Variants in ZNF614 observed in about 807,000 individuals in gnomAD.
The protein encoded by ZNF614 is zinc finger protein 614.
ZNF614 carries 11 observed loss-of-function variants against 12.8 expected under a neutral mutation model. The ratio of observed to expected loss-of-function variants is 0.86; its 90% CI spans 0.54 to 1.43. The LOEUF is 1.43. ZNF614 is among the 40% of genes most tolerant of loss of function. The pLI, the probability that ZNF614 is intolerant of heterozygous loss-of-function variation, is 0.00. For missense variants in ZNF614, 664 were observed against 708.8 expected, an observed-to-expected ratio of 0.94 and a Z score of 0.72; for synonymous variants, 237 against 237.5, an observed-to-expected ratio of 1.00 and a Z score of 0.02.
At chr19:52,021,272 C>T (rs2086931378) in intron 2 of ZNF614, among the ~76,000 whole-genome samples, 1 of 152,110 alleles carries the variant, frequency 6.6e-6, no homozygotes, top group African/African-American at 2.4e-5. Flanking sequence ...GATTCCAACC[C>T]AGCTAACACC....
At chr19:52,025,387 CA>C (rs2086964504) in intron 2 of ZNF614, among the ~76,000 whole-genome samples, 4 of 152,094 alleles carry the variant, frequency 2.6e-5, no homozygotes, top group African/African-American at 7.2e-5. Flanking sequence ...GTGGTGCAAA[CA>C]TGGCTCACTG....
Position 52,013,611 on chromosome 19 carries a change from C to T in ZNF614, c.*2229G>A, listed in dbSNP as rs1723785084. 6.6e-6 allele frequency: 1 copy of T among 151,812 alleles called. No individual in the cohort carries two copies. The highest frequency in any genetic ancestry group is 1.5e-5 in the Non-Finnish European group (1 of 67,964). 9.4% of individuals were successfully genotyped at this position (151,812 alleles called of 1,614,324 possible). ...TTATTTATATAAAATTTATAAAAACCATTTACAAAAACAATTTTATTTTTA... is the reference window on the plus strand; with the variant it reads ...TTATTTATATAAAATTTATAAAAACTATTTACAAAAACAATTTTATTTTTA... On this transcript the variant is annotated 3_prime_UTR_variant, in exon 5 of 5. Transcript: ENST00000270649.
Position 52,016,361 on chromosome 19 carries a change from T to G in ZNF614, c.1237A>C (p.Thr413Pro). ...TGAGTTCGCTGATGTATAACGAGAG[T>G]GCGTTTGACAGTGAAGCCTTTTCCA... ...ECGKGFTVKRTLVIHQRTHTG... is the reference protein window; with the variant it reads ...ECGKGFTVKRPLVIHQRTHTG... The change falls in exon 5 of 5, where the codon ACT becomes CCT. Residue 413 changes from threonine to proline, a missense_variant. By Grantham distance (38) the Thr-to-Pro change is conservative. Coordinates refer to ENST00000270649, the MANE Select transcript of ZNF614 (RefSeq NM_025040.4). 3.7e-6 allele frequency: 6 copies of G among 1,612,844 alleles called. No homozygotes were observed. Among genetic ancestry groups the G allele is most frequent in the Non-Finnish European group, 4.2e-6 (5 of 1,179,268 alleles).
At chr19:52,018,580 A>T in intron 2 of ZNF614, 86 bp from the exon 3 acceptor site, 1 of 1,354,396 alleles carries the variant, frequency 7.4e-7, no homozygotes, top group Non-Finnish European at 1.0e-6. Flanking sequence ...AATTTTCACA[A>T]TACAGCCTGC....
intron 2 of ZNF614, among the ~76,000 whole-genome samples, chr19:52,021,612 G>C (rs1217515070): frequency 6.6e-6 from 1 of 152,000 alleles, no homozygotes; most frequent in Non-Finnish European, 1.5e-5. Context: ...GTGTGGTAGT[G>C]GATGCCTGTG....
intron 4 of ZNF614, chr19:52,017,687 CGA>C: frequency 3.1e-6 from 1 of 321,268 alleles, no homozygotes; most frequent in Non-Finnish European, 5.5e-6. Flanking sequence ...GGTGATAGAG[CGA>C]GACTCAGTCT....
At chr19:52,022,398 T>C (rs115090411) in intron 2 of ZNF614, among the ~76,000 whole-genome samples, 2,836 of 152,008 alleles carry the variant, frequency 0.019, 89 homozygotes, top group African/African-American at 0.061. Context: ...ACCGCCGCCA[T>C]CTGGGAAGTG....
At chr19:52,023,762 C>G (rs1327207919) in intron 2 of ZNF614, among the ~76,000 whole-genome samples, 1 of 152,158 alleles carries the variant, frequency 6.6e-6, no homozygotes, top group Non-Finnish European at 1.5e-5. Flanking sequence ...CATTTGGTCT[C>G]TGCCCTCCAA....
chr19:52,018,373 G>A lies in ZNF614; in HGVS notation c.137C>T (p.Ser46Leu). 6.2e-7 allele frequency: 1 copy of A among 1,614,072 alleles called. No individual in the cohort carries two copies. Among genetic ancestry groups the A allele is most frequent in the Non-Finnish European group, 8.5e-7 (1 of 1,180,014 alleles). Residue 46 changes from serine (S) to leucine (L), a missense_variant, in exon 3 of 5, where the codon TCA (serine) becomes TTA (leucine). Transcript: ENST00000270649. The part of the protein sequence containing the change: ...VMVENYNHLV[S>L]LGYQTSKPDV... Reference sequence around the variant, plus strand: ...CACAGGGAAACTATTCTTACCCAGTGATACTAGGTGGTTATAGTTCTCCAC... The same window carrying A: ...CACAGGGAAACTATTCTTACCCAGTAATACTAGGTGGTTATAGTTCTCCAC...
chr19:52,015,711 T>C lies in ZNF614; in HGVS notation c.*129A>G. 1.2e-6 allele frequency: 1 copy of C among 864,844 alleles called. No individual in the cohort carries two copies. The allele number at this position is 864,844 out of a possible 1,614,324, so 53.6% of individuals were successfully genotyped here. On this transcript the variant is annotated 3_prime_UTR_variant, in exon 5 of 5. Coordinates refer to ENST00000270649, the MANE Select transcript of ZNF614 (RefSeq NM_025040.4). ...TTCACCTCCTGAGGACAGACACACATCTGTCAACAGGCAGCACCATGTTTA... is the reference window on the plus strand; with the variant it reads ...TTCACCTCCTGAGGACAGACACACACCTGTCAACAGGCAGCACCATGTTTA...
intron 2 of ZNF614, among the ~76,000 whole-genome samples, chr19:52,020,798 A>G (rs1487989305): frequency 6.6e-6 from 1 of 152,188 alleles, no homozygotes; most frequent in Non-Finnish European, 1.5e-5. Flanking sequence ...ACTATCAAAT[A>G]TGAGTGGCCC....
chr19:52,026,185 A>G (rs1309549906), intron 1 of ZNF614, among the ~76,000 whole-genome samples: 1 of 152,260 alleles, frequency 6.6e-6, no homozygotes, highest in Non-Finnish European at 1.5e-5. Flanking sequence ...GAACCAGCAC[A>G]GCACAATGCC....
Position 52,015,435 on chromosome 19 carries a change from C to T in ZNF614, c.*405G>A, listed in dbSNP as rs751745425. On this transcript the variant is annotated 3_prime_UTR_variant, in exon 5 of 5. Transcript: ENST00000270649. ...TTTCTATCAACAATAAGCTCACTTA[C>T]GTTGAAATCTATGATGAAACCTGAT... 3 of 158,208 alleles carry T rather than the reference C, an allele frequency of 1.9e-5. No homozygotes were observed. The highest frequency in any genetic ancestry group is 4.2e-5 in the Non-Finnish European group (3 of 71,882). The allele number at this position is 158,208 out of a possible 1,614,324, so 9.8% of individuals were successfully genotyped here.
At chr19:52,025,639 G>T in intron 2 of ZNF614, 92 bp downstream of exon 2, 1 of 1,419,142 alleles carries the variant, frequency 7.0e-7, no homozygotes, top group South Asian at 1.2e-5. Flanking sequence ...TTTCTCCCTA[G>T]AACACAATTA....
Position 52,016,316 on chromosome 19 carries a change from T to C in ZNF614, c.1282A>G (p.Ile428Val), listed in dbSNP as rs373008490. The C allele has an allele frequency of 1.3e-4, 216 of 1,613,918 alleles. No individual in the cohort carries two copies. The highest frequency in any genetic ancestry group is 1.7e-4 in the Non-Finnish European group (203 of 1,179,978). The change falls in exon 5 of 5, where the codon ATA becomes GTA. Residue 428 changes from isoleucine (I) to valine (V), a missense_variant. By Grantham distance (29) the Ile-to-Val change is conservative (BLOSUM62 3). Transcript: ENST00000270649. ...QRTHTGEKSY[I>V]CNECGKGFTT... ...AAGCCTTTACCACATTCATTGCATA[T>C]GTAAGATTTCTCTCCTGTATGAGTT...
At position 52,015,579 on chromosome 19, in the gene ZNF614, A is replaced by G. The variant is rs2086891052; in HGVS notation, c.*261T>C. Reference sequence around the variant, plus strand: ...TTGCTCAAAACATCTCCACATTAATATAGTTTATTCAACGTATTTTCATTG... The same window carrying G: ...TTGCTCAAAACATCTCCACATTAATGTAGTTTATTCAACGTATTTTCATTG... On this transcript the variant is annotated 3_prime_UTR_variant, in exon 5 of 5. Coordinates refer to ENST00000270649, the MANE Select transcript of ZNF614 (RefSeq NM_025040.4). 2.8e-6 allele frequency: 1 copy of G among 352,762 alleles called. No individual in the cohort carries two copies. Among genetic ancestry groups the G allele is most frequent in the Non-Finnish European group, 5.1e-6 (1 of 194,328 alleles). The allele number at this position is 352,762 out of a possible 1,614,324, so 21.9% of individuals were successfully genotyped here.
chr19:52,023,711 C>T (rs187579348), intron 2 of ZNF614, among the ~76,000 whole-genome samples: 4 of 152,238 alleles, frequency 2.6e-5, no homozygotes, highest in East Asian at 3.9e-4. Flanking sequence ...TATACTTATC[C>T]GTGTCACTTT....
In ZNF614 at chr19:52,013,810, A is replaced by T. The variant is rs759125533; in HGVS notation, c.*2030T>A. On this transcript the variant is annotated 3_prime_UTR_variant, in exon 5 of 5. Transcript: ENST00000270649. ...ATGTAATACAACTTCTTAGAGTACA[A>T]ACTAAAAAAGAAAAAAACATGTAAA... 2.6e-4 allele frequency: 39 copies of T among 152,028 alleles called. No individual in the cohort carries two copies. Among genetic ancestry groups the T allele is most frequent in the Admixed American group, 1.9e-3 (29 of 15,266 alleles). The allele number at this position is 152,028 out of a possible 1,614,324, so 9.4% of individuals were successfully genotyped here. A position where few individuals can be genotyped will look rare whatever the true frequency, so the allele number is the denominator to read the frequency against.
Position 52,018,353 on chromosome 19 carries a change from G to A in ZNF614, c.142+15C>T. The A allele has an allele frequency of 6.2e-7, 1 of 1,613,844 alleles. No homozygotes were observed. Among genetic ancestry groups the A allele is most frequent in the Non-Finnish European group, 8.5e-7 (1 of 1,180,010 alleles). Reference sequence around the variant, plus strand: ...TTGTAGGCACCTCTAGGTGACACAGGGAAACTATTCTTACCCAGTGATACT... The same window carrying A: ...TTGTAGGCACCTCTAGGTGACACAGAGAAACTATTCTTACCCAGTGATACT... On this transcript the variant is annotated intron_variant, in intron 3 of 4. Transcript: ENST00000270649.
Sources: allele counts gnomAD v4.1 joint callset (sites outside exome capture counted in the v4.1 genomes callset), GRCh38; gene constraint gnomAD v4.1.1; transcripts MANE v1.5; gene names NCBI Gene and HGNC (gene_info 2026-07-23, HGNC 2026-07-21).